SNTG2: variants seen among roughly 807,000 people sequenced by gnomAD.
SNTG2 encodes syntrophin gamma 2.
A neutral mutation model predicts 70.9 loss-of-function variants in SNTG2; 74 were observed. That is an observed-to-expected ratio of 1.04 (90% CI 0.86 to 1.27). The LOEUF (loss-of-function observed/expected upper bound fraction) is 1.27, where lower values mean the gene tolerates loss of function less well. Ranked by LOEUF, SNTG2 falls within the 50% of genes most tolerant of loss-of-function variation. The pLI, the probability that SNTG2 is intolerant of heterozygous loss-of-function variation, is 0.00. For missense variants in SNTG2, 717 were observed against 690.7 expected, an observed-to-expected ratio of 1.04 and a Z score of -0.43; for synonymous variants, 278 against 273.8, an observed-to-expected ratio of 1.02 and a Z score of -0.15.
chr2:1,204,990 G>A (rs1352634632), intron 8 of SNTG2, among the ~76,000 whole-genome samples: 1 of 152,050 alleles, frequency 6.6e-6, no homozygotes, highest in Non-Finnish European at 1.5e-5. Context: ...ATTATTATGT[G>A]CAGTATGATC....
intron 9 of SNTG2, among the ~76,000 whole-genome samples, chr2:1,231,286 AATTACTTAGGATAATGACAATG>A (rs1676227068): frequency 6.6e-6 from 1 of 151,964 alleles, no homozygotes; most frequent in African/African-American, 2.4e-5. Flanking sequence ...CCAAAAGGTG[AATTACTTAGGATAATGACAATG>A]CCTCTTCCAT....
chr2:1,167,811 C>A (rs1670834795), intron 7 of SNTG2, among the ~76,000 whole-genome samples: 1 of 130,354 alleles, frequency 7.7e-6, no homozygotes, highest in Non-Finnish European at 1.6e-5. Context: ...GACGGCAGAA[C>A]TGAAGCCTAC....
chr2:1,179,502 C>T (rs12465849), intron 8 of SNTG2, among the ~76,000 whole-genome samples: 47,499 of 151,534 alleles, frequency 0.31, 7,982 homozygotes, highest in East Asian at 0.65. Context: ...AGGAATCCAA[C>T]TTACAAGGGA....
intron 14 of SNTG2, among the ~76,000 whole-genome samples, chr2:1,288,518 A>G (rs1009453204): frequency 1.3e-5 from 2 of 152,112 alleles, no homozygotes; most frequent in African/African-American, 2.4e-5. Context: ...AGGCATATAC[A>G]TGGACATGTG....
chr2:1,185,732 G>T (rs1672205819), intron 8 of SNTG2, among the ~76,000 whole-genome samples: 1 of 152,204 alleles, frequency 6.6e-6, no homozygotes. Context: ...CCCCGGGCCT[G>T]GCCCAGGAAA....
intron 6 of SNTG2, among the ~76,000 whole-genome samples, chr2:1,143,263 G>A (rs947380890): frequency 9.9e-5 from 15 of 152,118 alleles, no homozygotes; most frequent in African/African-American, 3.4e-4. Flanking sequence ...GTTTTCAGAA[G>A]TCTTAACTCT....
intron 4 of SNTG2, among the ~76,000 whole-genome samples, chr2:1,100,307 C>T (rs184750661): frequency 0.01 from 1,584 of 152,236 alleles, 25 homozygotes; most frequent in African/African-American, 0.037. Context: ...GCTGGGACTA[C>T]AGGTGCCCGC....
chr2:1,209,057 G>A (rs2147992140), intron 8 of SNTG2, 46 bp from the exon 9 acceptor site: 1 of 1,602,840 alleles, frequency 6.2e-7, no homozygotes, highest in South Asian at 1.1e-5. Flanking sequence ...CCCGCATGCA[G>A]CCTCCTCTGC....
At chr2:1,009,815 A>G (rs1435094795) in intron 1 of SNTG2, among the ~76,000 whole-genome samples, 1 of 152,164 alleles carries the variant, frequency 6.6e-6, no homozygotes, top group Non-Finnish European at 1.5e-5. Context: ...TCCTGATCTC[A>G]GATTTATGAT....
intron 16 of SNTG2, among the ~76,000 whole-genome samples, chr2:1,361,807 GCATT>G (rs1413342769): frequency 7.9e-5 from 12 of 151,074 alleles, no homozygotes; most frequent in Non-Finnish European, 1.0e-4. Context: ...CCGATGCTGA[GCATT>G]TCAGTAGAAC....
intron 1 of SNTG2, among the ~76,000 whole-genome samples, chr2:1,040,456 C>A (rs1334159541): frequency 1.3e-5 from 2 of 152,194 alleles, no homozygotes; most frequent in Non-Finnish European, 2.9e-5. Context: ...GTACCTTGCC[C>A]TGTCCAGCCC....
intron 15 of SNTG2, among the ~76,000 whole-genome samples, chr2:1,310,244 G>A (rs1680913611): frequency 6.6e-6 from 1 of 152,128 alleles, no homozygotes; most frequent in South Asian, 2.1e-4. Flanking sequence ...CTTTCCAGGA[G>A]CGAAACGCTG....
At chr2:1,234,943 A>G (rs1048359984) in intron 9 of SNTG2, among the ~76,000 whole-genome samples, 2 of 152,364 alleles carry the variant, frequency 1.3e-5, no homozygotes, top group East Asian at 3.9e-4. Context: ...TCATCCATGC[A>G]TTTGGTGCAT....
intron 1 of SNTG2, among the ~76,000 whole-genome samples, chr2:1,081,516 G>A (rs926869535): frequency 6.6e-6 from 1 of 152,240 alleles, no homozygotes; most frequent in Non-Finnish European, 1.5e-5. Flanking sequence ...TCTCCAGTGA[G>A]CTCAGCCCTC....
chr2:1,290,317 CT>C (rs34782770), intron 14 of SNTG2, among the ~76,000 whole-genome samples: 49,201 of 144,212 alleles, frequency 0.34, 8,434 homozygotes, highest in Middle Eastern at 0.46. Flanking sequence ...GTTCTACATC[CT>C]TTTTTTTTTT....
intron 1 of SNTG2, among the ~76,000 whole-genome samples, chr2:984,321 AG>A (rs1389385368): frequency 7.9e-5 from 12 of 151,698 alleles, no homozygotes; most frequent in Non-Finnish European, 1.6e-4. Context: ...ATGAAAACAA[AG>A]GGCAAAATCT....
At chr2:1,269,627 G>A (rs866458183) in intron 14 of SNTG2, among the ~76,000 whole-genome samples, 3 of 152,124 alleles carry the variant, frequency 2.0e-5, no homozygotes, top group South Asian at 4.1e-4. Context: ...TTTAAAAATC[G>A]TTGGTGTCTT....
At chr2:1,135,252 C>A (rs1286244981) in intron 4 of SNTG2, among the ~76,000 whole-genome samples, 1 of 152,204 alleles carries the variant, frequency 6.6e-6, no homozygotes, top group Non-Finnish European at 1.5e-5. Flanking sequence ...TGGCTCTGGA[C>A]AGTCATTTTT....
intron 15 of SNTG2, among the ~76,000 whole-genome samples, chr2:1,310,559 G>A (rs908210531): frequency 2.6e-5 from 4 of 152,134 alleles, no homozygotes; most frequent in African/African-American, 9.7e-5. Flanking sequence ...TCCTTGGGTG[G>A]GAGTGATGTT....
Sources: gnomAD v4.1 joint callset for allele counts (sites outside exome capture counted in the v4.1 genomes callset) on GRCh38, gnomAD v4.1.1 for gene constraint, MANE v1.5 for transcripts, NCBI Gene and HGNC (gene_info 2026-07-23, HGNC 2026-07-21) for gene names.